Variants in CRB1 observed in about 807,000 individuals in gnomAD.
CRB1 encodes protein crumbs homolog 1.
CRB1 carries 83 observed loss-of-function variants against 120.0 expected under a neutral mutation model. The observed-to-expected ratio is 0.69, with a 90% CI of 0.58 to 0.83. CRB1 has a LOEUF of 0.83. Ranked by LOEUF, CRB1 falls within the 40% of genes least tolerant of loss-of-function variation. The pLI is 0.00. For synonymous variants in CRB1, 625 were observed against 612.5 expected (o/e 1.02, Z -0.30); for missense variants, 1,699 against 1,687.6 (o/e 1.01, Z -0.12).
At chr1:197,447,534 G>A (rs961719438) in intron 11 of CRB1, 1 of 152,272 alleles carries the variant, frequency 6.6e-6, no homozygotes, top group South Asian at 2.1e-4. Context: ...CCAACCATGG[G>A]GGGTTCACTT....
At chr1:197,338,446 G>A (rs948133345) in intron 2 of CRB1, among the ~76,000 whole-genome samples, 3 of 152,120 alleles carry the variant, frequency 2.0e-5, no homozygotes, top group African/African-American at 7.2e-5. Context: ...TAGATACAAG[G>A]AAGTAGGAGA....
chr1:197,428,034 T>C, intron 7 of CRB1, 33 bp downstream of exon 7: 1 of 1,581,000 alleles, frequency 6.3e-7, no homozygotes, highest in Non-Finnish European at 8.7e-7. Flanking sequence ...AGGTATATAC[T>C]GTATGCTAAA....
intron 5 of CRB1, chr1:197,360,311 C>G (rs1349502316): frequency 6.6e-6 from 1 of 152,224 alleles, no homozygotes; most frequent in African/African-American, 2.4e-5. Flanking sequence ...CCTAGCCAGC[C>G]CCACTGCTGT....
intron 6 of CRB1, among the ~76,000 whole-genome samples, chr1:197,423,833 T>G (rs72740564): frequency 6.6e-6 from 1 of 152,332 alleles, no homozygotes; most frequent in Non-Finnish European, 1.5e-5. Flanking sequence ...TGATTTCCAA[T>G]GTATCAAGGT....
chr1:197,220,764 G>A, the CRB1 span, among the ~76,000 whole-genome samples: 1 of 152,120 alleles, frequency 6.6e-6, no homozygotes, highest in Non-Finnish European at 1.5e-5. Context: ...TTGCTGTTCT[G>A]GTGATAGTGA....
intron 4 of CRB1, among the ~76,000 whole-genome samples, chr1:197,355,689 G>C (rs1660435734): frequency 6.6e-6 from 1 of 152,226 alleles, no homozygotes; most frequent in South Asian, 2.1e-4. Context: ...GCCGCTCTGA[G>C]TTTTGGGCCG....
chr1:197,379,536 G>A (rs1019400483), intron 5 of CRB1, among the ~76,000 whole-genome samples: 2 of 144,740 alleles, frequency 1.4e-5, no homozygotes, highest in East Asian at 2.0e-4. Context: ...TCCTGACCTC[G>A]TGATCCGCCC....
the CRB1 span, among the ~76,000 whole-genome samples, chr1:197,227,209 AG>A: frequency 6.6e-6 from 1 of 152,122 alleles, no homozygotes; most frequent in Non-Finnish European, 1.5e-5. Context: ...AGACAAGGCA[AG>A]TTCCTTCTGC....
chr1:197,301,663 T>C (rs1019717125), intron 1 of CRB1, among the ~76,000 whole-genome samples: 1 of 152,104 alleles, frequency 6.6e-6, no homozygotes, highest in Non-Finnish European at 1.5e-5. Context: ...GAAACATTCA[T>C]GATTCATGGG....
chr1:197,426,819 T>A (rs1241754751), intron 6 of CRB1, among the ~76,000 whole-genome samples: 1 of 152,196 alleles, frequency 6.6e-6, no homozygotes, highest in Non-Finnish European at 1.5e-5. Flanking sequence ...CATCTAATTC[T>A]TGATTTCTGT....
the CRB1 span, among the ~76,000 whole-genome samples, chr1:197,216,229 A>G: frequency 6.6e-6 from 1 of 152,180 alleles, no homozygotes; most frequent in Non-Finnish European, 1.5e-5. Context: ...CTGTGCATTC[A>G]TATACAGGTA....
At chr1:197,351,489 T>C (rs763209052) in intron 4 of CRB1, among the ~76,000 whole-genome samples, 3 of 151,540 alleles carry the variant, frequency 2.0e-5, no homozygotes, top group South Asian at 2.1e-4. Context: ...GGTAGAAACA[T>C]TGAACTGGGG....
intron 8 of CRB1, among the ~76,000 whole-genome samples, chr1:197,430,350 A>C (rs1197378415): frequency 6.6e-6 from 1 of 152,164 alleles, no homozygotes; most frequent in African/African-American, 2.4e-5. Context: ...CCCCTTATTC[A>C]AAGATTGTGC....
intron 5 of CRB1, among the ~76,000 whole-genome samples, chr1:197,397,058 T>G (rs1036601489): frequency 1.3e-5 from 2 of 152,094 alleles, no homozygotes; most frequent in Non-Finnish European, 2.9e-5. Context: ...TACATATTGA[T>G]ATTCAGAATA....
chr1:197,467,947 G>A (rs1169575614), intron 11 of CRB1, among the ~76,000 whole-genome samples: 1 of 152,118 alleles, frequency 6.6e-6, no homozygotes, highest in Non-Finnish European at 1.5e-5. Flanking sequence ...TATCTAGATG[G>A]GTTATATGCC....
At chr1:197,355,623 A>G (rs1660429932) in intron 4 of CRB1, among the ~76,000 whole-genome samples, 1 of 152,124 alleles carries the variant, frequency 6.6e-6, no homozygotes, top group African/African-American at 2.4e-5. Context: ...CGTACCCTCC[A>G]CAGCTGCTGG....
intron 1 of CRB1, among the ~76,000 whole-genome samples, chr1:197,311,208 C>T (rs1002988643): frequency 1.3e-5 from 2 of 152,158 alleles, no homozygotes; most frequent in Admixed American, 1.3e-4. Flanking sequence ...ATTCAACCAT[C>T]AAAAAGAATG....
At chr1:197,425,932 G>A (rs911007290) in intron 6 of CRB1, among the ~76,000 whole-genome samples, 2 of 151,710 alleles carry the variant, frequency 1.3e-5, no homozygotes, top group Admixed American at 1.3e-4. Flanking sequence ...TGTTGAAGGT[G>A]GGGCCGATGG....
the CRB1 span, among the ~76,000 whole-genome samples, chr1:197,204,612 CT>C: frequency 6.6e-6 from 1 of 152,022 alleles, no homozygotes; most frequent in African/African-American, 2.4e-5. Flanking sequence ...CTGTAGCCCA[CT>C]TTTTGATGGA....
Sources: allele counts gnomAD v4.1 joint callset (sites outside exome capture counted in the v4.1 genomes callset), GRCh38; gene constraint gnomAD v4.1.1; transcripts MANE v1.5; gene names NCBI Gene and HGNC (gene_info 2026-07-23, HGNC 2026-07-21).